Variants in KIF6 observed in about 807,000 individuals in gnomAD.
KIF6 encodes the protein kinesin family member 6, also known as kinesin-like protein KIF6.
KIF6 carries 106 observed loss-of-function variants against 112.7 expected under a neutral mutation model. That is an observed-to-expected ratio of 0.94 (90% CI 0.80 to 1.11). The LOEUF is 1.11. Among genes scored for constraint, KIF6 ranks in the 50% least tolerant of loss-of-function variants. The probability of loss-of-function intolerance (pLI) is 0.00; values close to 1 mark genes in which losing one functional copy is unlikely to be tolerated. For synonymous variants in KIF6, 339 were observed against 339.9 expected (o/e 1.00, Z 0.03); for missense variants, 929 against 964.0 (o/e 0.96, Z 0.48).
In KIF6 at chr6:39,553,332, C is replaced by A. The variant is rs7768544; in HGVS notation, c.1182-7644G>T. Among the ~76,000 whole-genome samples, 784 of 152,270 alleles carry A rather than the reference C, an allele frequency of 5.1e-3. 7 individuals carry two copies. Among genetic ancestry groups the A allele is most frequent in the African/African-American group, 0.018 (733 of 41,552 alleles). ...GTAGGGTAAATTCATCTTAGTAATGCATATTTCCTTCACCTCAACAAAAGC... is the reference window on the plus strand; with the variant it reads ...GTAGGGTAAATTCATCTTAGTAATGAATATTTCCTTCACCTCAACAAAAGC... On this transcript the variant is annotated intron_variant, in intron 10 of 22. Coordinates refer to ENST00000287152, the MANE Select transcript of KIF6 (RefSeq NM_145027.6).
rs1762912895 is a variant in KIF6, at chr6:39,336,408, A to G, written c.*124T>C. 2 of 916,738 alleles carry G rather than the reference A, an allele frequency of 2.2e-6. No homozygotes were observed. Among genetic ancestry groups the G allele is most frequent in the African/African-American group, 1.6e-5 (1 of 61,112 alleles). 56.8% of individuals were successfully genotyped at this position (916,738 alleles called of 1,614,324 possible). On this transcript the variant is annotated 3_prime_UTR_variant, in exon 23 of 23. Coordinates refer to ENST00000287152, the MANE Select transcript of KIF6 (RefSeq NM_145027.6). ...AAACACAGTCCCCTCCATGGGAATC[A>G]AAGTCACTAGTTGCTCCCAGCAGCC...
intron 10 of KIF6, among the ~76,000 whole-genome samples, chr6:39,569,479 G>C (rs774586262): frequency 2.2e-4 from 34 of 152,188 alleles, no homozygotes; most frequent in Non-Finnish European, 4.3e-4. Context: ...AGGCTCAAGA[G>C]AGCCACTGTA....
chr6:39,416,206 T>C (rs1769907448), intron 15 of KIF6, among the ~76,000 whole-genome samples: 1 of 152,248 alleles, frequency 6.6e-6, no homozygotes, highest in African/African-American at 2.4e-5. Flanking sequence ...CCAAAGACAA[T>C]GCTGCCAGTG....
chr6:39,538,513 T>C (rs1338780367), intron 13 of KIF6, among the ~76,000 whole-genome samples: 3 of 151,966 alleles, frequency 2.0e-5, no homozygotes, highest in Admixed American at 2.0e-4. Context: ...AAAACCACAA[T>C]GAGATACCAT....
At chr6:39,449,123 C>T (rs1270250070) in intron 13 of KIF6, among the ~76,000 whole-genome samples, 1 of 152,228 alleles carries the variant, frequency 6.6e-6, no homozygotes, top group African/African-American at 2.4e-5. Context: ...CATTTCTTCT[C>T]TGGACTGTCT....
intron 13 of KIF6, among the ~76,000 whole-genome samples, chr6:39,467,174 A>T (rs1390838837): frequency 1.3e-5 from 2 of 152,220 alleles, no homozygotes; most frequent in East Asian, 3.9e-4. Context: ...GTAGCCAATG[A>T]AAAGGACACT....
intron 3 of KIF6, among the ~76,000 whole-genome samples, chr6:39,666,653 G>A (rs1786476842): frequency 6.6e-6 from 1 of 152,188 alleles, no homozygotes; most frequent in Non-Finnish European, 1.5e-5. Flanking sequence ...GAAAGTTGCT[G>A]AGCTTCTCGA....
intron 16 of KIF6, among the ~76,000 whole-genome samples, chr6:39,371,354 T>C (rs1327610222): frequency 2.0e-5 from 3 of 152,132 alleles, no homozygotes; most frequent in Non-Finnish European, 4.4e-5. Context: ...TCTTTTACCT[T>C]CCTTACACCC....
chr6:39,656,041 T>G (rs576670629), intron 3 of KIF6, among the ~76,000 whole-genome samples: 15 of 152,236 alleles, frequency 9.9e-5, no homozygotes, highest in Non-Finnish European at 1.9e-4. Context: ...TGACTTAGGC[T>G]GTATCTGGCC....
rs1268519017 is a variant in KIF6, at chr6:39,537,457, C to T, written c.1645+2546G>A. Among the ~76,000 whole-genome samples the T allele has an allele frequency of 8.6e-5, 13 of 151,918 alleles. No individual in the cohort carries two copies. In the South Asian group the frequency reaches 2.7e-3, roughly 32 times the overall value. ...AGAGAGCCAAATCATGAGTGAACTC[C>T]CATTCACAATTGCTTCAAAGAGAAT... On this transcript the variant is annotated intron_variant, in intron 13 of 22. Transcript: ENST00000287152.
chr6:39,507,540 G>A (rs145598682), intron 13 of KIF6, among the ~76,000 whole-genome samples: 228 of 151,818 alleles, frequency 1.5e-3, no homozygotes, highest in African/African-American at 5.2e-3. Context: ...GGGGGAGGGC[G>A]GTATACGTTT....
At chr6:39,445,220 A>G (rs750358189) in intron 13 of KIF6, among the ~76,000 whole-genome samples, 17 of 152,296 alleles carry the variant, frequency 1.1e-4, no homozygotes, top group Non-Finnish European at 1.8e-4. Flanking sequence ...TGGGGGCACT[A>G]CAGAGAAGAT....
At chr6:39,587,133 A>C (rs1392365736) in intron 7 of KIF6, among the ~76,000 whole-genome samples, 1 of 152,126 alleles carries the variant, frequency 6.6e-6, no homozygotes, top group Non-Finnish European at 1.5e-5. Context: ...AGATAGATGG[A>C]TGGCAGATGG....
intron 13 of KIF6, among the ~76,000 whole-genome samples, chr6:39,505,340 A>G (rs1776366033): frequency 6.6e-6 from 1 of 152,232 alleles, no homozygotes; most frequent in Admixed American, 6.5e-5. Flanking sequence ...ACCACATACA[A>G]AAATCAACTC....
intron 4 of KIF6, among the ~76,000 whole-genome samples, chr6:39,638,614 A>C (rs1371789190): frequency 6.6e-6 from 1 of 152,154 alleles, no homozygotes; most frequent in East Asian, 1.9e-4. Flanking sequence ...GATGGCAATT[A>C]GAATTATGCA....
At chr6:39,641,344 G>C (rs1266130866) in intron 3 of KIF6, among the ~76,000 whole-genome samples, 3 of 151,998 alleles carry the variant, frequency 2.0e-5, no homozygotes, top group African/African-American at 7.2e-5. Context: ...GTCCTTTGTA[G>C]GGACATGGAT....
intron 21 of KIF6, among the ~76,000 whole-genome samples, chr6:39,344,624 C>G (rs1296461813): frequency 6.6e-6 from 1 of 152,114 alleles, no homozygotes; most frequent in Non-Finnish European, 1.5e-5. Context: ...GCTGCCTTCT[C>G]TATCCTCTTA....
chr6:39,706,217 G>A (rs1219834854), intron 3 of KIF6, among the ~76,000 whole-genome samples: 1 of 151,904 alleles, frequency 6.6e-6, no homozygotes, highest in African/African-American at 2.4e-5. Context: ...TGAATAACTT[G>A]TAGTTATTAT....
chr6:39,437,723 C>T (rs1771624343), intron 13 of KIF6, among the ~76,000 whole-genome samples: 1 of 152,130 alleles, frequency 6.6e-6, no homozygotes, highest in Non-Finnish European at 1.5e-5. Context: ...AACTACAGTC[C>T]TGCCCCACAT....
Sources: allele counts gnomAD v4.1 joint callset (sites outside exome capture counted in the v4.1 genomes callset), GRCh38; gene constraint gnomAD v4.1.1; transcripts MANE v1.5; gene names NCBI Gene and HGNC (gene_info 2026-07-23, HGNC 2026-07-21).